GALNT13: variants seen among roughly 807,000 people sequenced by gnomAD.
GALNT13 encodes polypeptide N-acetylgalactosaminyltransferase 13, also known as UDP-GalNAc:polypeptide N-acetylgalactosaminyltransferase 13.
In GALNT13, 28 loss-of-function variants were observed where a neutral mutation model predicts 64.2. That is an observed-to-expected ratio of 0.44 (90% CI 0.32 to 0.60). GALNT13 has a LOEUF of 0.60. Among genes scored for constraint, GALNT13 ranks in the 20% least tolerant of loss-of-function variants. The pLI, the probability that GALNT13 is intolerant of heterozygous loss-of-function variation, is 0.05. For missense variants in GALNT13, 577 were observed against 669.8 expected, an observed-to-expected ratio of 0.86 and a Z score of 1.53; for synonymous variants, 214 against 224.6, an observed-to-expected ratio of 0.95 and a Z score of 0.42.
chr2:154,221,814 T>TC (rs1390842851), intron 4 of GALNT13, among the ~76,000 whole-genome samples: 1 of 152,144 alleles, frequency 6.6e-6, no homozygotes, highest in Non-Finnish European at 1.5e-5. Flanking sequence ...ATTACTTGTT[T>TC]ATCTTATTAT....
At chr2:153,686,809 G>C in the GALNT13 span, among the ~76,000 whole-genome samples, 1 of 151,826 alleles carries the variant, frequency 6.6e-6, no homozygotes, top group African/African-American at 2.4e-5. Context: ...TGTTGACTAT[G>C]TTCCCTTTAA....
the GALNT13 span, among the ~76,000 whole-genome samples, chr2:153,733,420 C>G: frequency 6.6e-6 from 1 of 152,094 alleles, no homozygotes; most frequent in Non-Finnish European, 1.5e-5. Flanking sequence ...TTCCTTAAAG[C>G]TTCAATAAAT....
chr2:154,213,495 G>A (rs915780613), intron 4 of GALNT13, among the ~76,000 whole-genome samples: 6 of 152,030 alleles, frequency 3.9e-5, no homozygotes, highest in African/African-American at 1.2e-4. Flanking sequence ...CCATATTTAT[G>A]AAGTCAGTTC....
the GALNT13 span, among the ~76,000 whole-genome samples, chr2:153,689,025 TG>T: frequency 1.6e-3 from 227 of 142,498 alleles, 2 homozygotes; most frequent in Non-Finnish European, 2.8e-3. Context: ...TGTGTGTGTG[TG>T]TGTGTGTGTT....
intron 3 of GALNT13, among the ~76,000 whole-genome samples, chr2:154,008,942 G>C (rs1377894925): frequency 6.6e-6 from 1 of 152,040 alleles, no homozygotes; most frequent in Non-Finnish European, 1.5e-5. Context: ...AATTATTTTG[G>C]GGGAGTATAT....
At chr2:153,203,304 G>A in the GALNT13 span, among the ~76,000 whole-genome samples, 7 of 152,146 alleles carry the variant, frequency 4.6e-5, no homozygotes, top group African/African-American at 1.4e-4. Context: ...AGAAAATTTA[G>A]AGTGCATTTT....
At chr2:154,449,073 A>G (rs1183719250) in intron 12 of GALNT13, among the ~76,000 whole-genome samples, 4 of 151,952 alleles carry the variant, frequency 2.6e-5, no homozygotes, top group Admixed American at 2.6e-4. Context: ...TTCTGGCATA[A>G]TAAGCATAAA....
chr2:153,397,664 C>T, the GALNT13 span, among the ~76,000 whole-genome samples: 2 of 151,520 alleles, frequency 1.3e-5, no homozygotes, highest in East Asian at 3.9e-4. Context: ...AAAAAAGTAT[C>T]ACCAAGGGGG....
chr2:153,080,444 T>A, the GALNT13 span, among the ~76,000 whole-genome samples: 2 of 152,150 alleles, frequency 1.3e-5, no homozygotes, highest in Non-Finnish European at 2.9e-5. Flanking sequence ...TTTAATACCA[T>A]GCTTTTAATT....
intron 9 of GALNT13, among the ~76,000 whole-genome samples, chr2:154,309,013 A>G (rs542081984): frequency 2.6e-5 from 4 of 152,146 alleles, no homozygotes; most frequent in Admixed American, 2.6e-4. Flanking sequence ...CTCTGTCTTC[A>G]GTTGTTAAGT....
At chr2:153,149,549 A>G in the GALNT13 span, among the ~76,000 whole-genome samples, 1 of 151,740 alleles carries the variant, frequency 6.6e-6, no homozygotes, top group East Asian at 1.9e-4. Flanking sequence ...GCTCATTTTA[A>G]AGATGTCAAT....
the GALNT13 span, among the ~76,000 whole-genome samples, chr2:153,069,627 G>C: frequency 6.6e-6 from 1 of 152,168 alleles, no homozygotes; most frequent in African/African-American, 2.4e-5. Context: ...GCTGAACAGG[G>C]ACTATAGTCC....
chr2:153,271,805 C>T, the GALNT13 span, among the ~76,000 whole-genome samples: 9 of 152,096 alleles, frequency 5.9e-5, no homozygotes, highest in Non-Finnish European at 8.8e-5. Flanking sequence ...GTCTGTATAG[C>T]CAAGACAATC....
At chr2:153,897,848 A>G (rs1343407320) in intron 1 of GALNT13, among the ~76,000 whole-genome samples, 2 of 152,282 alleles carry the variant, frequency 1.3e-5, no homozygotes, top group East Asian at 3.9e-4. Flanking sequence ...AGATTAAACC[A>G]GTAAAAGCCT....
At chr2:153,081,095 T>C in the GALNT13 span, among the ~76,000 whole-genome samples, 13 of 152,104 alleles carry the variant, frequency 8.5e-5, no homozygotes, top group African/African-American at 2.9e-4. Context: ...TGATCTGAGA[T>C]GTTTGGTTTC....
intron 3 of GALNT13, among the ~76,000 whole-genome samples, chr2:154,018,281 C>T (rs1374802599): frequency 3.3e-5 from 5 of 152,112 alleles, no homozygotes; most frequent in African/African-American, 7.2e-5. Flanking sequence ...TGTAAACTGC[C>T]ACTCCCAACC....
At chr2:153,393,267 A>ATTTTTTT in the GALNT13 span, among the ~76,000 whole-genome samples, 2 of 146,044 alleles carry the variant, frequency 1.4e-5, no homozygotes. Flanking sequence ...AGAAGTCTCC[A>ATTTTTTT]TTTTTTTTTT....
the GALNT13 span, among the ~76,000 whole-genome samples, chr2:153,369,378 T>C: frequency 6.6e-6 from 1 of 152,088 alleles, no homozygotes; most frequent in African/African-American, 2.4e-5. Flanking sequence ...GTTTGTTTCT[T>C]TGAAAATATT....
At chr2:153,205,176 T>TA in the GALNT13 span, among the ~76,000 whole-genome samples, 1 of 125,036 alleles carries the variant, frequency 8.0e-6, no homozygotes, top group South Asian at 2.4e-4. Context: ...AAAACTTTAG[T>TA]GTTTTTTTTT....
Sources: allele counts gnomAD v4.1 joint callset (sites outside exome capture counted in the v4.1 genomes callset), GRCh38; gene constraint gnomAD v4.1.1; transcripts MANE v1.5; gene names NCBI Gene and HGNC (gene_info 2026-07-23, HGNC 2026-07-21).